Variants in CNTNAP2 observed in about 807,000 individuals in gnomAD.
The protein encoded by CNTNAP2 is contactin associated protein 2.
In CNTNAP2, 98 loss-of-function variants were observed where a neutral mutation model predicts 155.2. The observed-to-expected ratio is 0.63, with a 90% confidence interval of 0.54 to 0.75. The LOEUF (loss-of-function observed/expected upper bound fraction) is 0.75, where lower values mean the gene tolerates loss of function less well. Among genes scored for constraint, CNTNAP2 ranks in the 30% least tolerant of loss-of-function variants. CNTNAP2 has a pLI of 0.00. For synonymous variants in CNTNAP2, 651 were observed against 631.2 expected, an observed-to-expected ratio of 1.03 and a Z score of -0.47; for missense variants, 1,727 against 1,688.1, an observed-to-expected ratio of 1.02 and a Z score of -0.40.
intron 13 of CNTNAP2, among the ~76,000 whole-genome samples, chr7:147,698,559 C>A (rs1056438729): frequency 1.3e-5 from 2 of 152,138 alleles, no homozygotes; most frequent in Admixed American, 1.3e-4. Context: ...TTATTTAAGT[C>A]CAAATGACAG....
chr7:147,673,341 C>T (rs1031725885), intron 13 of CNTNAP2, among the ~76,000 whole-genome samples: 3 of 152,138 alleles, frequency 2.0e-5, no homozygotes, highest in Admixed American at 1.3e-4. Flanking sequence ...ATGTTCTGAG[C>T]GCTGTGCTAT....
chr7:147,475,735 C>T (rs1479673732), intron 10 of CNTNAP2, among the ~76,000 whole-genome samples: 3 of 152,046 alleles, frequency 2.0e-5, no homozygotes, highest in African/African-American at 4.8e-5. Flanking sequence ...AGTATTCCAC[C>T]ATACCTTATT....
At chr7:147,159,357 A>G (rs774538479) in intron 8 of CNTNAP2, among the ~76,000 whole-genome samples, 16 of 152,090 alleles carry the variant, frequency 1.1e-4, no homozygotes, top group Non-Finnish European at 2.2e-4. Context: ...TTTTTAAAAG[A>G]TAATATGCAT....
chr7:147,728,792 A>G (rs1343506088), intron 13 of CNTNAP2, among the ~76,000 whole-genome samples: 2 of 151,884 alleles, frequency 1.3e-5, no homozygotes, highest in East Asian at 3.9e-4. Flanking sequence ...TTAGTTTTCT[A>G]TTGCAACTGA....
At chr7:146,877,697 T>G (rs775995211) in intron 3 of CNTNAP2, among the ~76,000 whole-genome samples, 1 of 151,838 alleles carries the variant, frequency 6.6e-6, no homozygotes, top group Non-Finnish European at 1.5e-5. Flanking sequence ...ACTTTTAAAC[T>G]TTTTTAGCAG....
chr7:148,218,147 A>G, intron 19 of CNTNAP2, among the ~76,000 whole-genome samples: 1 of 152,260 alleles, frequency 6.6e-6, no homozygotes. Context: ...AAGACTAATA[A>G]GAAAGACTAA....
intron 16 of CNTNAP2, among the ~76,000 whole-genome samples, chr7:148,143,398 A>G (rs1805113644): frequency 6.6e-6 from 1 of 152,178 alleles, no homozygotes; most frequent in Non-Finnish European, 1.5e-5. Context: ...AGTTGAGTAG[A>G]CCAGGTGTGG....
intron 1 of CNTNAP2, among the ~76,000 whole-genome samples, chr7:146,342,615 C>A (rs139637164): frequency 6.6e-6 from 1 of 152,220 alleles, no homozygotes; most frequent in African/African-American, 2.4e-5. Flanking sequence ...AAAAGCATAT[C>A]ATTTAATTGA....
At chr7:146,507,862 G>C (rs188598820) in intron 1 of CNTNAP2, among the ~76,000 whole-genome samples, 1 of 152,156 alleles carries the variant, frequency 6.6e-6, no homozygotes, top group Non-Finnish European at 1.5e-5. Context: ...CAGCAACACC[G>C]TGAAAGTCTA....
At chr7:146,170,316 G>A (rs565319779) in intron 1 of CNTNAP2, among the ~76,000 whole-genome samples, 5 of 152,164 alleles carry the variant, frequency 3.3e-5, no homozygotes, top group South Asian at 2.1e-4. Flanking sequence ...ATTAGTGACC[G>A]TGCCAGGCAC....
At chr7:147,964,641 G>C (rs1468087136) in intron 14 of CNTNAP2, among the ~76,000 whole-genome samples, 4 of 152,112 alleles carry the variant, frequency 2.6e-5, no homozygotes, top group African/African-American at 9.7e-5. Context: ...AATTTACATA[G>C]CCCAATAGGT....
intron 21 of CNTNAP2, among the ~76,000 whole-genome samples, chr7:148,364,533 A>G (rs1798694199): frequency 6.6e-6 from 1 of 152,170 alleles, no homozygotes; most frequent in Non-Finnish European, 1.5e-5. Flanking sequence ...AAATACACCA[A>G]TCAGCACCCT....
chr7:147,005,651 A>C (rs1432528917), intron 3 of CNTNAP2, among the ~76,000 whole-genome samples: 1 of 152,084 alleles, frequency 6.6e-6, no homozygotes, highest in East Asian at 1.9e-4. Flanking sequence ...ATGGTAATCC[A>C]TGATAAATTC....
At chr7:146,688,172 G>A (rs1800635762) in intron 1 of CNTNAP2, among the ~76,000 whole-genome samples, 1 of 151,980 alleles carries the variant, frequency 6.6e-6, no homozygotes, top group Non-Finnish European at 1.5e-5. Flanking sequence ...TTATAAGGAA[G>A]GTACTAATTT....
chr7:147,470,883 A>C (rs1195169546), intron 10 of CNTNAP2, among the ~76,000 whole-genome samples: 2 of 152,140 alleles, frequency 1.3e-5, no homozygotes, highest in African/African-American at 4.8e-5. Flanking sequence ...GAGAGGAGGC[A>C]AGCAGCCCAA....
Position 147,235,941 on chromosome 7 carries a change from C to T in CNTNAP2, c.1349-64200C>T, listed in dbSNP as rs6977374. Among the ~76,000 whole-genome samples the T allele has an allele frequency of 5.1e-3, 771 of 152,324 alleles. 13 individuals carry two copies. Among genetic ancestry groups the T allele is most frequent in the African/African-American group, 0.017 (699 of 41,558 alleles). Reference sequence around the variant, plus strand: ...TTAAATATGAAAGACCGTGAATTCACACAAGTACTTCCAATGCCAACCCAA... The same window carrying T: ...TTAAATATGAAAGACCGTGAATTCATACAAGTACTTCCAATGCCAACCCAA... On this transcript the variant is annotated intron_variant, in intron 8 of 23. Coordinates refer to ENST00000361727, the MANE Select transcript of CNTNAP2 (RefSeq NM_014141.6).
chr7:147,956,543 C>A (rs918430223), intron 14 of CNTNAP2, among the ~76,000 whole-genome samples: 1 of 152,194 alleles, frequency 6.6e-6, no homozygotes, highest in Admixed American at 6.5e-5. Context: ...CTGCCGCTGA[C>A]ACCCTTGCCT....
At chr7:146,763,809 C>T (rs145099655) in intron 1 of CNTNAP2, among the ~76,000 whole-genome samples, 3 of 152,164 alleles carry the variant, frequency 2.0e-5, no homozygotes, top group African/African-American at 7.2e-5. Flanking sequence ...ACTTTTTTAG[C>T]CTATCATGCC....
rs566702703 is a variant in CNTNAP2, at chr7:146,687,127, G to A, written c.98-87144G>A. ...TCAGAGAAAATTTTCATTTCTCAAC[G>A]GTTAAATGTCTCTACAATTCAGTAT... On this transcript the variant is annotated intron_variant, in intron 1 of 23. Transcript: ENST00000361727. Among the ~76,000 whole-genome samples the A allele has an allele frequency of 1.1e-3, 167 of 152,138 alleles. 4 individuals are homozygous for A. The highest frequency in any genetic ancestry group is 5.3e-4 in the Non-Finnish European group (36 of 67,988).
Sources: gnomAD v4.1 joint callset for allele counts (sites outside exome capture counted in the v4.1 genomes callset) on GRCh38, gnomAD v4.1.1 for gene constraint, MANE v1.5 for transcripts, NCBI Gene and HGNC (gene_info 2026-07-23, HGNC 2026-07-21) for gene names.